The following SLC13A1 variants were observed in gnomAD, a reference collection of about 807,000 sequenced individuals.
SLC13A1 encodes Na(+)/sulfate cotransporter.
SLC13A1 carries 65 observed loss-of-function variants against 70.0 expected under a neutral mutation model. The ratio of observed to expected loss-of-function variants is 0.93; its 90% CI spans 0.76 to 1.14. SLC13A1 has a LOEUF of 1.14. SLC13A1 is among the 50% of genes most tolerant of loss of function. The pLI, the probability that SLC13A1 is intolerant of heterozygous loss-of-function variation, is 0.00. For missense variants in SLC13A1, 726 were observed against 717.8 expected (o/e 1.01, Z -0.13); for synonymous variants, 275 against 250.5 (o/e 1.10, Z -0.92).
At chr7:123,153,440 AG>A (rs1794618511) in intron 6 of SLC13A1, among the ~76,000 whole-genome samples, 1 of 152,122 alleles carries the variant, frequency 6.6e-6, no homozygotes, top group Non-Finnish European at 1.5e-5. Context: ...TTTTTAATCT[AG>A]CCAGTAAACA....
chr7:123,185,654 C>T (rs766887354), intron 1 of SLC13A1, among the ~76,000 whole-genome samples: 31 of 152,050 alleles, frequency 2.0e-4, no homozygotes, highest in Non-Finnish European at 4.0e-4. Context: ...TGTTTTTATG[C>T]CACTGCCATG....
At chr7:123,162,733 A>G (rs140286668) in intron 6 of SLC13A1, among the ~76,000 whole-genome samples, 4 of 152,206 alleles carry the variant, frequency 2.6e-5, no homozygotes, top group Non-Finnish European at 4.4e-5. Flanking sequence ...ATTATGAACC[A>G]TGTTTATTAC....
intron 1 of SLC13A1, among the ~76,000 whole-genome samples, chr7:123,193,672 C>T (rs530660917): frequency 1.3e-5 from 2 of 152,242 alleles, no homozygotes; most frequent in South Asian, 4.1e-4. Flanking sequence ...CTCTTGCTCC[C>T]TTTGTGGACT....
chr7:123,139,128 A>G (rs1265474815), intron 7 of SLC13A1, among the ~76,000 whole-genome samples: 1 of 152,068 alleles, frequency 6.6e-6, no homozygotes, highest in Non-Finnish European at 1.5e-5. Flanking sequence ...TTATTCTTCT[A>G]CATATGGATA....
chr7:123,148,481 A>G (rs533563104), intron 6 of SLC13A1: 398 of 453,062 alleles, frequency 8.8e-4, no homozygotes, highest in Non-Finnish European at 1.6e-3. Context: ...TATTTAAGAG[A>G]TGACTTTCTA....
chr7:123,151,010 T>C (rs547725283), intron 6 of SLC13A1, among the ~76,000 whole-genome samples: 23 of 152,196 alleles, frequency 1.5e-4, no homozygotes, highest in Middle Eastern at 3.4e-3. Context: ...TCTAGACCCA[T>C]GTATCCAATT....
chr7:123,189,131 AAG>A (rs1491059968), intron 1 of SLC13A1, among the ~76,000 whole-genome samples: 1 of 147,350 alleles, frequency 6.8e-6, no homozygotes, highest in Non-Finnish European at 1.5e-5. Flanking sequence ...AAAAAAAAAA[AAG>A]AAAGAAAATC....
chr7:123,119,141 T>TA lies in SLC13A1; in HGVS notation c.1451dup (p.Leu484PhefsTer3). 1 of 1,612,760 alleles carries TA rather than the reference T, an allele frequency of 6.2e-7. No homozygotes were observed. Among genetic ancestry groups the TA allele is most frequent in the Non-Finnish European group, 8.5e-7 (1 of 1,179,166 alleles). ...TAGCTGGATTGCTGGCTACCTCAGTTAAAGATGTCACCATCAAAGAAGATA... is the reference window on the plus strand; with the variant it reads ...TAGCTGGATTGCTGGCTACCTCAGTTAAAAGATGTCACCATCAAAGAAGATA... On this transcript the variant is annotated frameshift_variant, in exon 13 of 15. Coordinates refer to ENST00000194130, the MANE Select transcript of SLC13A1 (RefSeq NM_022444.4). LOFTEE classifies it high-confidence loss of function.
chr7:123,146,741 G>A (rs1458257269), intron 7 of SLC13A1, among the ~76,000 whole-genome samples: 1 of 152,018 alleles, frequency 6.6e-6, no homozygotes, highest in Non-Finnish European at 1.5e-5. Flanking sequence ...GAATTCCAAA[G>A]CCAAGCCTTC....
intron 1 of SLC13A1, among the ~76,000 whole-genome samples, chr7:123,186,475 T>C (rs1795804870): frequency 6.6e-6 from 1 of 152,160 alleles, no homozygotes; most frequent in African/African-American, 2.4e-5. Flanking sequence ...ATATTATCTT[T>C]GTCTCCTGTA....
rs1244997534 is a variant in SLC13A1, at chr7:123,169,344, A to G, written c.366-9T>C. The G allele has an allele frequency of 6.2e-7, 1 of 1,610,104 alleles. No individual in the cohort carries two copies. The highest frequency in any genetic ancestry group is 8.5e-7 in the Non-Finnish European group (1 of 1,179,652). The stretch of plus-strand genomic sequence containing the variant: ...TGAACCCCAGCGTCAGCCTGAAACC[A>G]GAGAGCCATTATTGTGGAGCTGTGC... On this transcript the variant is annotated splice_polypyrimidine_tract_variant and intron_variant, in intron 3 of 14. Transcript: ENST00000194130.
intron 7 of SLC13A1, among the ~76,000 whole-genome samples, chr7:123,138,534 C>A (rs573588972): frequency 1.3e-4 from 20 of 152,220 alleles, no homozygotes; most frequent in Admixed American, 2.6e-4. Context: ...ACATTCCTAC[C>A]AACAGTGTAT....
chr7:123,198,304 AGTGGC>A (rs1796246543), intron 1 of SLC13A1, among the ~76,000 whole-genome samples: 1 of 113,592 alleles, frequency 8.8e-6, no homozygotes, highest in Non-Finnish European at 2.2e-5. Context: ...CCGGGGTGGG[AGTGGC>A]AGGGTGGGAG....
chr7:123,162,357 G>A (rs1206310629), intron 6 of SLC13A1, among the ~76,000 whole-genome samples: 1 of 152,126 alleles, frequency 6.6e-6, no homozygotes, highest in Admixed American at 6.6e-5. Flanking sequence ...ATAGCACTTT[G>A]ACTCTAATAA....
intron 2 of SLC13A1, among the ~76,000 whole-genome samples, chr7:123,175,339 T>TTAC (rs1220723633): frequency 6.6e-6 from 1 of 152,102 alleles, no homozygotes; most frequent in Non-Finnish European, 1.5e-5. Flanking sequence ...GATCCTTGAG[T>TTAC]TTATTATTGA....
At chr7:123,175,857 AC>A (rs1221780116) in intron 2 of SLC13A1, among the ~76,000 whole-genome samples, 1 of 152,216 alleles carries the variant, frequency 6.6e-6, no homozygotes, top group African/African-American at 2.4e-5. Flanking sequence ...AAGTGATTAG[AC>A]ACAGAAAGAA....
intron 1 of SLC13A1, 193 bp from the exon 2 acceptor site, chr7:123,181,294 A>C (rs991533349): frequency 4.1e-6 from 2 of 490,370 alleles, no homozygotes; most frequent in Non-Finnish European, 7.1e-6. Context: ...ATAAACATAA[A>C]AAACTAAAGG....
intron 7 of SLC13A1, among the ~76,000 whole-genome samples, chr7:123,139,954 T>G (rs1794075031): frequency 6.6e-6 from 1 of 152,130 alleles, no homozygotes; most frequent in East Asian, 1.9e-4. Context: ...CTATGTTGAA[T>G]AACAGTGTTG....
rs1340117539 is a variant in SLC13A1, at chr7:123,169,175, A to G, written c.526T>C (p.Ser176Pro). ...TCAATTTCTAGTCCGTGGTTGGTTG[A>G]TCCGTTGAAGTAAGTCATCTGAGTG... ...EATQMTYFNG[S>P]TNHGLEIDES... The change falls in exon 4 of 15, where the codon TCA (serine) becomes CCA (proline). Residue 176 changes from serine to proline, a missense_variant. Physicochemically the swap from Ser to Pro is moderately conservative, Grantham distance 74. Transcript: ENST00000194130. 2 of 1,613,908 alleles carry G rather than the reference A, an allele frequency of 1.2e-6. No homozygotes were observed. The highest frequency in any genetic ancestry group is 1.7e-6 in the Non-Finnish European group (2 of 1,179,972).
Sources: allele counts gnomAD v4.1 joint callset (sites outside exome capture counted in the v4.1 genomes callset), GRCh38; gene constraint gnomAD v4.1.1; transcripts MANE v1.5; gene names NCBI Gene and HGNC (gene_info 2026-07-23, HGNC 2026-07-21).